The following NTNG1 variants were observed in gnomAD, a reference collection of about 807,000 sequenced individuals.
NTNG1 encodes netrin-G1.
Under a neutral mutation model 54.0 loss-of-function variants are expected in NTNG1, and 16 were observed. The ratio of observed to expected loss-of-function variants is 0.30; its 90% CI spans 0.20 to 0.45. The LOEUF (loss-of-function observed/expected upper bound fraction) is 0.45. Ranked by LOEUF, NTNG1 falls within the 20% of genes least tolerant of loss-of-function variation. The pLI, the probability that NTNG1 is intolerant of heterozygous loss-of-function variation, is 1.00. For synonymous variants in NTNG1, 255 were observed against 263.1 expected (o/e 0.97, Z 0.30); for missense variants, 530 against 678.7 (o/e 0.78, Z 2.43).
At chr1:107,365,704 A>G (rs1187349305) in intron 3 of NTNG1, among the ~76,000 whole-genome samples, 1 of 152,224 alleles carries the variant, frequency 6.6e-6, no homozygotes, top group Non-Finnish European at 1.5e-5. Flanking sequence ...ATTTGTAACA[A>G]CTACTTAACA....
intron 7 of NTNG1, among the ~76,000 whole-genome samples, chr1:107,443,609 T>C (rs918621737): frequency 1.3e-5 from 2 of 152,120 alleles, no homozygotes; most frequent in Non-Finnish European, 2.9e-5. Context: ...CCAGTTCACA[T>C]TTCACCAGTT....
intron 1 of NTNG1, among the ~76,000 whole-genome samples, chr1:107,146,801 G>T (rs1654155654): frequency 6.6e-6 from 1 of 151,852 alleles, no homozygotes. Context: ...TCAACCATCT[G>T]TTGGCATTTC....
intron 2 of NTNG1, among the ~76,000 whole-genome samples, chr1:107,157,372 G>A (rs1278450819): frequency 6.6e-6 from 1 of 152,016 alleles, no homozygotes; most frequent in African/African-American, 2.4e-5. Context: ...TTCTTGATTG[G>A]TGTTGTCAAA....
intron 3 of NTNG1, among the ~76,000 whole-genome samples, chr1:107,352,231 G>A (rs1159612895): frequency 3.3e-5 from 5 of 152,198 alleles, no homozygotes; most frequent in African/African-American, 1.2e-4. Flanking sequence ...GCTCCAATGG[G>A]GACTCTGTGT....
intron 3 of NTNG1, among the ~76,000 whole-genome samples, chr1:107,366,572 T>C (rs1336897441): frequency 6.6e-6 from 1 of 152,212 alleles, no homozygotes; most frequent in Non-Finnish European, 1.5e-5. Context: ...AAACTATTTC[T>C]GTAAAGCTCT....
At chr1:107,211,625 A>G (rs534866934) in intron 2 of NTNG1, among the ~76,000 whole-genome samples, 29 of 152,304 alleles carry the variant, frequency 1.9e-4, no homozygotes, top group African/African-American at 6.7e-4. Flanking sequence ...GCTGACAGAA[A>G]GCAGGTGATG....
intron 5 of NTNG1, among the ~76,000 whole-genome samples, chr1:107,418,882 T>G (rs1674389181): frequency 6.6e-6 from 1 of 151,948 alleles, no homozygotes; most frequent in Non-Finnish European, 1.5e-5. Flanking sequence ...ACATTGAAGG[T>G]CAGTCAGTCC....
intron 7 of NTNG1, chr1:107,460,436 G>A (rs781070999): frequency 1.9e-6 from 1 of 518,532 alleles, no homozygotes; most frequent in Non-Finnish European, 3.9e-6. Flanking sequence ...GGAAAACTTT[G>A]GCAATTAAAT....
Position 107,405,190 on chromosome 1 carries a change from C to T in NTNG1, c.1061-2492C>T, listed in dbSNP as rs188251097. On this transcript the variant is annotated intron_variant, in intron 4 of 7. Transcript: ENST00000370068. The stretch of plus-strand genomic sequence containing the variant: ...GAGAACCACAAACAAGGTATTTGGA[C>T]ATTAAAATAAGAAGCATTAGAAAAA... Among the ~76,000 whole-genome samples the T allele has an allele frequency of 0.012, 1,815 of 151,968 alleles. 92 individuals are homozygous for T. The East Asian group carries it at 0.17, about 15-fold the overall frequency.
At chr1:107,426,024 T>C (rs1291526235) in intron 5 of NTNG1, among the ~76,000 whole-genome samples, 1 of 152,056 alleles carries the variant, frequency 6.6e-6, no homozygotes, top group African/African-American at 2.4e-5. Flanking sequence ...TTTAATGGGG[T>C]TGTTTGTTTT....
At chr1:107,332,616 T>C (rs1668350082) in intron 3 of NTNG1, among the ~76,000 whole-genome samples, 1 of 152,060 alleles carries the variant, frequency 6.6e-6, no homozygotes, top group Non-Finnish European at 1.5e-5. Flanking sequence ...TTGGCCATTG[T>C]TTGATACTTA....
At position 107,302,146 on chromosome 1, in the gene NTNG1, AG is replaced by A. The variant is rs1294910080; in HGVS notation, c.247-22134del. On this transcript the variant is annotated intron_variant, in intron 2 of 7. Transcript: ENST00000370068. ...AGATCTTTTTGGATAAGCCCTACTC[AG>A]GTCTTAGCTTTTGCCCTTCTCTTGT... Among the ~76,000 whole-genome samples the A allele has an allele frequency of 3.9e-5, 6 of 152,178 alleles. No homozygotes were observed. In the East Asian group the frequency reaches 1.2e-3, roughly 29 times the overall value.
At chr1:107,462,463 C>T (rs1167991831) in intron 7 of NTNG1, among the ~76,000 whole-genome samples, 1 of 152,154 alleles carries the variant, frequency 6.6e-6, no homozygotes, top group Non-Finnish European at 1.5e-5. Context: ...TTAACCAGTG[C>T]ATGAAAAGCA....
intron 7 of NTNG1, among the ~76,000 whole-genome samples, chr1:107,452,818 C>T (rs991850931): frequency 1.3e-5 from 2 of 152,188 alleles, no homozygotes; most frequent in Non-Finnish European, 2.9e-5. Flanking sequence ...AAATAAAATT[C>T]TTTTCTTTAT....
At chr1:107,480,500 C>A (rs1450582822) in intron 7 of NTNG1, 111 bp from the exon 8 acceptor site, 3 of 684,814 alleles carry the variant, frequency 4.4e-6, no homozygotes, top group Non-Finnish European at 4.9e-6. Flanking sequence ...GCACAAAGAT[C>A]GATAGAGATT....
intron 2 of NTNG1, among the ~76,000 whole-genome samples, chr1:107,297,731 A>G (rs1666071875): frequency 2.0e-5 from 3 of 152,180 alleles, no homozygotes; most frequent in Non-Finnish European, 4.4e-5. Context: ...CAACACATCA[A>G]TCTCAAAGAT....
intron 2 of NTNG1, among the ~76,000 whole-genome samples, chr1:107,319,040 G>A (rs1169232908): frequency 6.6e-6 from 1 of 152,130 alleles, no homozygotes; most frequent in African/African-American, 2.4e-5. Context: ...TGAAAGACAT[G>A]TCCACTATCT....
At chr1:107,213,806 CAG>C (rs1427464230) in intron 2 of NTNG1, among the ~76,000 whole-genome samples, 4 of 152,176 alleles carry the variant, frequency 2.6e-5, no homozygotes, top group Admixed American at 6.5e-5. Flanking sequence ...GATTATTTTC[CAG>C]ACGTAGCAAG....
intron 7 of NTNG1, among the ~76,000 whole-genome samples, chr1:107,473,203 A>G (rs575376923): frequency 6.6e-6 from 1 of 152,320 alleles, no homozygotes; most frequent in South Asian, 2.1e-4. Flanking sequence ...GCAGGAGACA[A>G]AGCCAAAAAG....
Sources: gnomAD v4.1 joint callset for allele counts (sites outside exome capture counted in the v4.1 genomes callset) on GRCh38, gnomAD v4.1.1 for gene constraint, MANE v1.5 for transcripts, NCBI Gene and HGNC (gene_info 2026-07-23, HGNC 2026-07-21) for gene names.